The following CRTAM variants were observed in gnomAD, a reference collection of about 807,000 sequenced individuals.
CRTAM encodes cytotoxic and regulatory T-cell molecule.
CRTAM carries 44 observed loss-of-function variants against 50.0 expected under a neutral mutation model. The observed-to-expected ratio is 0.88, with a 90% confidence interval of 0.69 to 1.13. The LOEUF (loss-of-function observed/expected upper bound fraction) is 1.13. Ranked by LOEUF, CRTAM falls within the 50% of genes most tolerant of loss-of-function variation. CRTAM has a pLI of 0.00. For missense variants in CRTAM, 448 were observed against 457.5 expected (o/e 0.98, Z 0.19); for synonymous variants, 159 against 169.3 (o/e 0.94, Z 0.47).
At chr11:122,852,255 A>C (rs371543898) in intron 3 of CRTAM, among the ~76,000 whole-genome samples, 9 of 152,196 alleles carry the variant, frequency 5.9e-5, no homozygotes, top group African/African-American at 1.9e-4. Flanking sequence ...CATGACAGCA[A>C]ATCCTAAGAT....
At chr11:122,839,173 C>T (rs1861770177) in intron 1 of CRTAM, among the ~76,000 whole-genome samples, 1 of 152,166 alleles carries the variant, frequency 6.6e-6, no homozygotes, top group Non-Finnish European at 1.5e-5. Flanking sequence ...ACCTCGTGAT[C>T]TGCCCACCTC....
intron 5 of CRTAM, among the ~76,000 whole-genome samples, chr11:122,861,167 T>C (rs750867185): frequency 7.9e-5 from 12 of 152,060 alleles, no homozygotes; most frequent in Non-Finnish European, 1.3e-4. Flanking sequence ...AATGTTTCCT[T>C]AGTAATTCTT....
At chr11:122,839,414 G>A (rs1191350076) in intron 1 of CRTAM, among the ~76,000 whole-genome samples, 11 of 152,184 alleles carry the variant, frequency 7.2e-5, no homozygotes, top group African/African-American at 2.7e-4. Flanking sequence ...ATAAAGCGCT[G>A]TGCAACACTT....
In CRTAM at chr11:122,871,549, A is replaced by C; in HGVS notation, c.*150A>C. The C allele has an allele frequency of 1.8e-6, 1 of 565,692 alleles. No individual in the cohort carries two copies. The highest frequency in any genetic ancestry group is 2.9e-6 in the Non-Finnish European group (1 of 340,894). The allele number at this position is 565,692 out of a possible 1,614,324, so 35.0% of individuals were successfully genotyped here. On this transcript the variant is annotated 3_prime_UTR_variant, in exon 10 of 10. Coordinates refer to ENST00000227348, the MANE Select transcript of CRTAM (RefSeq NM_019604.4). ...GTCCTCGGATAATGATCTGCCCCGG[A>C]GCTAGGGCAGCAACATGAGGACCAA...
At chr11:122,843,424 G>A (rs189119903) in intron 1 of CRTAM, among the ~76,000 whole-genome samples, 7 of 152,276 alleles carry the variant, frequency 4.6e-5, no homozygotes, top group South Asian at 4.1e-4. Context: ...ATCACCTACC[G>A]TAGGAAGTGG....
rs117154716 is a variant in CRTAM at position 122,857,464 on chromosome 11, G to A, written c.652+1608G>A. ...AGCCTGGGCAACAGAGCGAGACTCTGTCTCATAATAATAAGAATAATAGGC... is the reference window on the plus strand; with the variant it reads ...AGCCTGGGCAACAGAGCGAGACTCTATCTCATAATAATAAGAATAATAGGC... On this transcript the variant is annotated intron_variant, in intron 5 of 9. Coordinates refer to ENST00000227348, the MANE Select transcript of CRTAM (RefSeq NM_019604.4). Among the ~76,000 whole-genome samples the A allele has an allele frequency of 8.6e-3, 1,304 of 152,198 alleles. 10 individuals are homozygous for A. Among genetic ancestry groups the A allele is most frequent in the Non-Finnish European group, 0.014 (928 of 68,028 alleles).
chr11:122,848,953 T>G (rs1861897892), intron 1 of CRTAM, among the ~76,000 whole-genome samples: 1 of 152,308 alleles, frequency 6.6e-6, no homozygotes, highest in African/African-American at 2.4e-5. Flanking sequence ...TTTCTTTTTT[T>G]GGGGAGATAA....
intron 3 of CRTAM, 69 bp downstream of exon 3, chr11:122,851,914 T>C: frequency 2.1e-6 from 3 of 1,448,216 alleles, no homozygotes; most frequent in Non-Finnish European, 2.9e-6. Context: ...GTTTTTAAAC[T>C]GAACCTTTTA....
intron 2 of CRTAM, 152 bp from the exon 3 acceptor site, chr11:122,851,541 T>G: frequency 1.4e-6 from 1 of 695,502 alleles, no homozygotes; most frequent in Non-Finnish European, 2.4e-6. Context: ...CGGAATGATC[T>G]TACCTTCCCG....
chr11:122,861,244 A>G lies in CRTAM; in HGVS notation c.653-1220A>G, dbSNP rs112921869. ...ATTTTTCATACAGTTTGAATGTTTGATTAACCAGATATGTTTTCAAAACCA... is the reference window on the plus strand; with the variant it reads ...ATTTTTCATACAGTTTGAATGTTTGGTTAACCAGATATGTTTTCAAAACCA... On this transcript the variant is annotated intron_variant, in intron 5 of 9. Transcript: ENST00000227348. 8.5e-4 allele frequency among the ~76,000 whole-genome samples: 128 copies of G among 151,190 alleles called. 1 individual carries two copies. Among genetic ancestry groups the G allele is most frequent in the African/African-American group, 2.9e-3 (119 of 41,292 alleles).
At chr11:122,850,037 C>G (rs960081727) in intron 1 of CRTAM, 31 bp from the exon 2 acceptor site, 12 of 1,562,628 alleles carry the variant, frequency 7.7e-6, no homozygotes, top group Admixed American at 7.3e-5. Flanking sequence ...GGACCCCCGG[C>G]CTGATCATCC....
intron 9 of CRTAM, among the ~76,000 whole-genome samples, chr11:122,869,617 C>G (rs1862226516): frequency 6.6e-6 from 1 of 152,184 alleles, no homozygotes; most frequent in African/African-American, 2.4e-5. Flanking sequence ...CATATTATTT[C>G]CTCCATACAA....
intron 5 of CRTAM, among the ~76,000 whole-genome samples, chr11:122,862,078 G>C (rs1290770025): frequency 2.0e-5 from 3 of 152,190 alleles, no homozygotes; most frequent in Non-Finnish European, 4.4e-5. Flanking sequence ...GTAAATAGCA[G>C]CACTGGAATT....
At position 122,862,558 on chromosome 11, in the gene CRTAM, T is replaced by C. The variant is rs777665107; in HGVS notation, c.733+14T>C. On this transcript the variant is annotated intron_variant, in intron 6 of 9. Transcript: ENST00000227348. ...CCACCAGTACTGGTAAGTGTCAAAA[T>C]CATTCAAACTTGTTTTTAAAAAATC... The C allele has an allele frequency of 6.8e-7, 1 of 1,466,890 alleles. No homozygotes were observed. Among genetic ancestry groups the C allele is most frequent in the East Asian group, 2.3e-5 (1 of 44,014 alleles). The allele number at this position is 1,466,890 out of a possible 1,614,324, so 90.9% of individuals were successfully genotyped here.
chr11:122,842,575 C>T lies in CRTAM; in HGVS notation c.46+3983C>T, dbSNP rs551918422. Among the ~76,000 whole-genome samples the T allele has an allele frequency of 5.9e-5, 9 of 152,290 alleles. No homozygotes were observed. In the South Asian group the frequency reaches 8.3e-4, roughly 14 times the overall value. ...ATTACAGGCGTTGAGCCACCACGCC[C>T]GGCCTCAAATTCATGGTTTTAAAAT... On this transcript the variant is annotated intron_variant, in intron 1 of 9. Coordinates refer to ENST00000227348, the MANE Select transcript of CRTAM (RefSeq NM_019604.4).
chr11:122,863,491 T>C (rs1479859930), intron 6 of CRTAM, among the ~76,000 whole-genome samples: 1 of 152,206 alleles, frequency 6.6e-6, no homozygotes, highest in Non-Finnish European at 1.5e-5. Context: ...ATAATTTCAT[T>C]TGTTGGAATA....
At chr11:122,854,967 T>C (rs1032750889) in intron 4 of CRTAM, among the ~76,000 whole-genome samples, 49 of 152,302 alleles carry the variant, frequency 3.2e-4, no homozygotes, top group African/African-American at 1.2e-3. Context: ...TCTTTTTTTT[T>C]TGAGATGGAG....
chr11:122,862,632 TTTTTG>T (rs1187808915), intron 6 of CRTAM, 88 bp downstream of exon 6: 3 of 912,956 alleles, frequency 3.3e-6, no homozygotes, highest in Non-Finnish European at 5.1e-6. Flanking sequence ...TTAAGAATAT[TTTTTG>T]TTTTAATTTT....
intron 1 of CRTAM, among the ~76,000 whole-genome samples, chr11:122,848,636 C>A (rs934025664): frequency 5.9e-5 from 9 of 152,152 alleles, no homozygotes; most frequent in African/African-American, 1.9e-4. Flanking sequence ...AAGTAGACAC[C>A]AATTAATTCC....
Sources: allele counts gnomAD v4.1 joint callset (sites outside exome capture counted in the v4.1 genomes callset), GRCh38; gene constraint gnomAD v4.1.1; transcripts MANE v1.5; gene names NCBI Gene and HGNC (gene_info 2026-07-23, HGNC 2026-07-21).